CAMTA1: variants seen among roughly 807,000 people sequenced by gnomAD.
CAMTA1 encodes calmodulin binding transcription activator 1, also known as calmodulin-binding transcription activator 1.
In CAMTA1, 27 loss-of-function variants were observed where a neutral mutation model predicts 170.9. That is an observed-to-expected ratio of 0.16 (90% CI 0.12 to 0.22). The LOEUF (loss-of-function observed/expected upper bound fraction) is 0.22. Ranked by LOEUF, CAMTA1 falls within the 10% of genes least tolerant of loss-of-function variation. The pLI is 1.00. For synonymous variants in CAMTA1, 833 were observed against 891.5 expected (o/e 0.93, Z 1.17); for missense variants, 1,619 against 2,217.2 (o/e 0.73, Z 5.42).
At chr1:7,552,819 A>G (rs2094821106) in intron 6 of CAMTA1, among the ~76,000 whole-genome samples, 1 of 152,216 alleles carries the variant, frequency 6.6e-6, no homozygotes, top group Non-Finnish European at 1.5e-5. Flanking sequence ...TGGCGTGCTC[A>G]GAGTTGACCT....
chr1:6,856,657 G>T (rs961242427), intron 3 of CAMTA1, among the ~76,000 whole-genome samples: 3 of 152,294 alleles, frequency 2.0e-5, no homozygotes, highest in Admixed American at 6.5e-5. Context: ...TTAATTATAA[G>T]AATGGGTACA....
intron 8 of CAMTA1, among the ~76,000 whole-genome samples, chr1:7,662,938 G>A (rs2095973338): frequency 1.3e-5 from 2 of 152,172 alleles, no homozygotes; most frequent in Admixed American, 1.3e-4. Context: ...GGCAGGATAC[G>A]AACGTAGCCA....
intron 6 of CAMTA1, among the ~76,000 whole-genome samples, chr1:7,545,880 G>A (rs930803277): frequency 7.3e-5 from 9 of 123,492 alleles, no homozygotes; most frequent in Non-Finnish European, 9.9e-5. Context: ...TTGTCCCCCC[G>A]GACATGTCCA....
chr1:7,374,422 G>A (rs1227383358), intron 5 of CAMTA1, among the ~76,000 whole-genome samples: 3 of 152,250 alleles, frequency 2.0e-5, no homozygotes, highest in Admixed American at 1.3e-4. Context: ...TAGGGCAAAC[G>A]AGAAAAGAGC....
chr1:7,690,799 C>G (rs532220645), intron 11 of CAMTA1, among the ~76,000 whole-genome samples: 20 of 152,330 alleles, frequency 1.3e-4, no homozygotes, highest in African/African-American at 4.8e-4. Context: ...CGCAGAGAGT[C>G]ACACACAGCA....
chr1:7,168,591 A>G (rs1309745342), intron 4 of CAMTA1, among the ~76,000 whole-genome samples: 1 of 152,050 alleles, frequency 6.6e-6, no homozygotes, highest in African/African-American at 2.4e-5. Flanking sequence ...TTTAGTAGAG[A>G]CAGAGTTTCA....
In CAMTA1 at chr1:7,665,262, G is replaced by A. The variant is rs571048323; in HGVS notation, c.2652+63G>A. 22 of 1,352,130 alleles carry A rather than the reference G, an allele frequency of 1.6e-5. No homozygotes were observed. The highest frequency in any genetic ancestry group is 2.5e-4 in the Middle Eastern group (1 of 3,940). The allele number at this position is 1,352,130 out of a possible 1,614,324, so 83.8% of individuals were successfully genotyped here. A position where few individuals can be genotyped will look rare whatever the true frequency, so the allele number is the denominator to read the frequency against. ...TCCCACCCACCTCGCCAGCCCCTGC[G>A]CCACCCTGCAGCTAAGGGATGCCTG... On this transcript the variant is annotated intron_variant, in intron 9 of 22. Coordinates refer to ENST00000303635, the MANE Select transcript of CAMTA1 (RefSeq NM_015215.4). This position sits in a 1 kb window ranked among gnomAD's most constrained non-coding sequence, Gnocchi z 4.3.
rs560007270 is a variant in CAMTA1, at chr1:7,226,235, C to T, written c.303-23256C>T. The stretch of plus-strand genomic sequence containing the variant: ...GTGACACAAAGCTCACTGCCTCCCC[C>T]TCAAATTCCCGCCCCGCCACCTCAC... On this transcript the variant is annotated intron_variant, in intron 4 of 22. Transcript: ENST00000303635. Among the ~76,000 whole-genome samples the T allele has an allele frequency of 3.3e-5, 5 of 152,282 alleles. No individual in the cohort carries two copies. In the South Asian group the frequency reaches 1.0e-3, roughly 32 times the overall value.
chr1:7,518,819 G>A (rs1378181384), intron 6 of CAMTA1, among the ~76,000 whole-genome samples: 1 of 152,018 alleles, frequency 6.6e-6, no homozygotes, highest in Non-Finnish European at 1.5e-5. Flanking sequence ...AGGGAGCCTG[G>A]TGCATACTCA....
chr1:7,615,474 G>A (rs2095553124), intron 6 of CAMTA1, among the ~76,000 whole-genome samples: 1 of 152,210 alleles, frequency 6.6e-6, no homozygotes, highest in African/African-American at 2.4e-5. Flanking sequence ...AGTTTTCTTG[G>A]CCATAAAATG....
rs1196529275 is a variant in CAMTA1 at position 6,904,552 on chromosome 1, C to CT, written c.234+79355dup. On this transcript the variant is annotated intron_variant, in intron 3 of 22. Transcript: ENST00000303635. ...TTTAAGCCTTTTTTTTTCTTTCTTT[C>CT]TTTTTTTTTTTTTAATTTTTGAGAC... Among the ~76,000 whole-genome samples the CT allele has an allele frequency of 1.1e-3, 150 of 140,568 alleles. 2 individuals are homozygous for CT. The highest frequency in any genetic ancestry group is 8.2e-3 in the South Asian group (36 of 4,408). The allele number at this position is 140,568 out of a possible 152,430, so 92.2% of individuals were successfully genotyped here.
intron 3 of CAMTA1, among the ~76,000 whole-genome samples, chr1:6,864,025 G>T (rs1428383857): frequency 6.6e-6 from 1 of 152,240 alleles, no homozygotes; most frequent in Non-Finnish European, 1.5e-5. Context: ...TGGATAATGG[G>T]TTTTGGGGAA....
intron 3 of CAMTA1, among the ~76,000 whole-genome samples, chr1:6,989,320 T>C (rs537684969): frequency 6.6e-5 from 10 of 152,330 alleles, no homozygotes; most frequent in African/African-American, 2.2e-4. Context: ...TTTAGATTAA[T>C]AACATTCAGG....
At position 6,911,975 on chromosome 1, in the gene CAMTA1, T is replaced by C. The variant is rs4537584; in HGVS notation, c.234+86765T>C. The stretch of plus-strand genomic sequence containing the variant: ...TTGTCTTCCTGAATCCCTGCTCTCT[T>C]TCCCTTCTTTCTCTTATCTTTCCCT... On this transcript the variant is annotated intron_variant, in intron 3 of 22. Transcript: ENST00000303635. Among the ~76,000 whole-genome samples the C allele has an allele frequency of 7.7e-4, 117 of 152,312 alleles. 1 individual carries two copies. Among genetic ancestry groups the C allele is most frequent in the African/African-American group, 2.8e-3 (116 of 41,582 alleles).
intron 19 of CAMTA1, among the ~76,000 whole-genome samples, chr1:7,750,397 T>G (rs2096888236): frequency 6.6e-6 from 1 of 152,244 alleles, no homozygotes; most frequent in Admixed American, 6.5e-5. Context: ...AGGGCTTCAT[T>G]GCAACTTCTC....
intron 5 of CAMTA1, among the ~76,000 whole-genome samples, chr1:7,320,649 GTTTT>G (rs55683398): frequency 2.9e-4 from 23 of 80,314 alleles, no homozygotes; most frequent in African/African-American, 1.1e-3. Flanking sequence ...TGCTGTGTGT[GTTTT>G]TTTTTTTTTT....
chr1:6,786,176 C>A lies in CAMTA1; in HGVS notation c.45+601C>A, dbSNP rs1226621283. Among the ~76,000 whole-genome samples, 4 of 151,982 alleles carry A rather than the reference C, an allele frequency of 2.6e-5. 1 individual carries two copies. The highest frequency in any genetic ancestry group is 7.2e-5 in the African/African-American group (3 of 41,424). On this transcript the variant is annotated intron_variant, in intron 1 of 22. Coordinates refer to ENST00000303635, the MANE Select transcript of CAMTA1 (RefSeq NM_015215.4). ...CCTCCCTGAGCGGGCGGGGGGTCCC[C>A]GAGCTTCTCCCCGCCAGGGGGACCC...
chr1:7,480,774 C>G (rs1022389116), intron 6 of CAMTA1, among the ~76,000 whole-genome samples: 1 of 152,146 alleles, frequency 6.6e-6, no homozygotes, highest in African/African-American at 2.4e-5. Flanking sequence ...CTCCTGGGAT[C>G]ATCTCATCCA....
chr1:7,456,375 G>T lies in CAMTA1; in HGVS notation c.439-11455G>T, dbSNP rs963958728. ...AGACCAGCTCTAGCCACTTGGCAGG[G>T]CTCCAAGAAATAGGTCTCAGCGGTA... On this transcript the variant is annotated intron_variant, in intron 5 of 22. Transcript: ENST00000303635. The surrounding 1 kb of genome is among the most constrained non-coding windows in gnomAD (Gnocchi z 4.9). 2.0e-5 allele frequency among the ~76,000 whole-genome samples: 3 copies of T among 152,176 alleles called. No individual in the cohort carries two copies. Among genetic ancestry groups the T allele is most frequent in the African/African-American group, 7.2e-5 (3 of 41,434 alleles).
Sources: allele counts gnomAD v4.1 joint callset (sites outside exome capture counted in the v4.1 genomes callset), GRCh38; gene constraint gnomAD v4.1.1; non-coding constraint Gnocchi (gnomAD v3.1); transcripts MANE v1.5; gene names NCBI Gene and HGNC (gene_info 2026-07-23, HGNC 2026-07-21).